SSBP4: variants seen among roughly 807,000 people sequenced by gnomAD.
SSBP4 encodes the protein single stranded DNA binding protein 4.
A neutral mutation model predicts 64.6 loss-of-function variants in SSBP4; 33 were observed. That is an observed-to-expected ratio of 0.51 (90% CI 0.39 to 0.68). The LOEUF is 0.68. Among genes scored for constraint, SSBP4 ranks in the 30% least tolerant of loss-of-function variants. The pLI is 0.00. For missense variants in SSBP4, 583 were observed against 566.8 expected (o/e 1.03, Z -0.29); for synonymous variants, 243 against 224.0 (o/e 1.08, Z -0.76).
Position 18,423,676 on chromosome 19 carries a change from C to G in SSBP4, c.60-3675C>G, listed in dbSNP as rs959922520. Among the ~76,000 whole-genome samples the G allele has an allele frequency of 6.6e-6, 1 of 152,206 alleles. No individual in the cohort carries two copies. The highest frequency in any genetic ancestry group is 1.5e-5 in the Non-Finnish European group (1 of 68,034). On this transcript the variant is annotated intron_variant, in intron 1 of 17. Coordinates refer to ENST00000270061, the MANE Select transcript of SSBP4 (RefSeq NM_032627.5). The surrounding 1 kb of genome is among the most constrained non-coding windows in gnomAD (Gnocchi z 4.0). ...ACCAGGCGCTAGCACCCCATCCTGG[C>G]TCTGCTTCCCTGCACAGCCTCATGC...
rs1458046761 is a variant in SSBP4 at position 18,434,321 on chromosome 19, G to A, written c.*75G>A. On this transcript the variant is annotated 3_prime_UTR_variant, in exon 18 of 18. Coordinates refer to ENST00000270061, the MANE Select transcript of SSBP4 (RefSeq NM_032627.5). ...CCCCTGCTCAGGGCGAGGGGCTGAGGTCACACCTCGGGCACCTGGACTCCT... is the reference window on the plus strand; with the variant it reads ...CCCCTGCTCAGGGCGAGGGGCTGAGATCACACCTCGGGCACCTGGACTCCT... 6.4e-7 allele frequency: 1 copy of A among 1,572,120 alleles called. No homozygotes were observed. Among genetic ancestry groups the A allele is most frequent in the South Asian group, 1.1e-5 (1 of 87,496 alleles).
chr19:18,404,985 G>GC, the SSBP4 span, among the ~76,000 whole-genome samples: 593 of 134,444 alleles, frequency 4.4e-3, 2 homozygotes, highest in East Asian at 0.012. Context: ...AAGCCCAGAG[G>GC]CCCCCCCCCC....
At chr19:18,433,881 C>A in intron 17 of SSBP4, 64 bp downstream of exon 17, 1 of 1,292,132 alleles carries the variant, frequency 7.7e-7, no homozygotes, top group Non-Finnish European at 9.7e-7. Flanking sequence ...GCGGGCAGGC[C>A]CCGGCGGGGC....
At chr19:18,412,179 AG>A in the SSBP4 span, among the ~76,000 whole-genome samples, 2 of 151,384 alleles carry the variant, frequency 1.3e-5, no homozygotes, top group African/African-American at 4.9e-5. Context: ...AAGGAGGATG[AG>A]GGCCAGGTGC....
the SSBP4 span, among the ~76,000 whole-genome samples, chr19:18,413,572 A>T: frequency 6.6e-6 from 1 of 152,188 alleles, no homozygotes; most frequent in East Asian, 1.9e-4. Context: ...CAGACCCAAG[A>T]TGGCACACTG....
the SSBP4 span, among the ~76,000 whole-genome samples, chr19:18,409,592 G>T: frequency 6.6e-6 from 1 of 151,958 alleles, no homozygotes; most frequent in Non-Finnish European, 1.5e-5. Flanking sequence ...GAGTAGGATG[G>T]TTCAAAGATT....
chr19:18,411,995 A>C, the SSBP4 span, among the ~76,000 whole-genome samples: 46,732 of 150,428 alleles, frequency 0.31, 9,012 homozygotes, highest in African/African-American at 0.55. Flanking sequence ...CAGACCCCCC[A>C]CACACACACA....
Position 18,419,684 on chromosome 19 carries a change from C to T in SSBP4, c.36C>T (p.Pro12=), listed in dbSNP as rs28485917. The T allele has an allele frequency of 4.3e-3, 5,104 of 1,194,324 alleles. 162 individuals carry two copies. The African/African-American group carries it at 0.064, about 15-fold the overall frequency. 74.0% of individuals were successfully genotyped at this position (1,194,324 alleles called of 1,614,324 possible). A position where few individuals can be genotyped will look rare whatever the true frequency, so the allele number is the denominator to read the frequency against. The change falls in exon 1 of 18, where the codon CCC becomes CCT. Residue 12 remains proline, a synonymous_variant. Coordinates refer to ENST00000270061, the MANE Select transcript of SSBP4 (RefSeq NM_032627.5). ...AGGGGGGCAAGGGTTCGGCCGTGCC[C>T]TCCGACAGCCAGGCCCGCGAGAAGT... ...YAKGGKGSAV[P]SDSQAREKLA...
the SSBP4 span, among the ~76,000 whole-genome samples, chr19:18,410,591 C>T: frequency 6.6e-6 from 1 of 151,968 alleles, no homozygotes; most frequent in Admixed American, 6.6e-5. Flanking sequence ...TCCTCCTTGC[C>T]ATGAAATAAT....
chr19:18,429,548 C>T (rs968679741), intron 4 of SSBP4, among the ~76,000 whole-genome samples: 1 of 151,964 alleles, frequency 6.6e-6, no homozygotes, highest in Non-Finnish European at 1.5e-5. Context: ...GATTGCCCTC[C>T]CTGCGGGGTG....
At position 18,419,665 on chromosome 19, in the gene SSBP4, G is replaced by C. The variant is rs1160424910; in HGVS notation, c.17G>C (p.Gly6Ala). 2.2e-5 allele frequency: 27 copies of C among 1,238,934 alleles called. No individual in the cohort carries two copies. The East Asian group carries it at 9.4e-4, about 43-fold the overall frequency. The allele number at this position is 1,238,934 out of a possible 1,614,324, so 76.7% of individuals were successfully genotyped here. A position where few individuals can be genotyped will look rare whatever the true frequency, so the allele number is the denominator to read the frequency against. The change falls in exon 1 of 18, where the codon GGC (glycine) becomes GCC (alanine). Residue 6 changes from glycine to alanine, a missense_variant. By Grantham distance (60) the Gly-to-Ala change is moderately conservative (BLOSUM62 0). Around this residue, in one of 5 missense-constraint regions of SSBP4, gnomAD observed 39 missense variants for 25.7 expected, o/e 1.52. Coordinates refer to ENST00000270061, the MANE Select transcript of SSBP4 (RefSeq NM_032627.5). MYAKG[G>A]KGSAVPSDSQ... ...TGGAGCAGCATGTACGCCAAGGGGG[G>C]CAAGGGTTCGGCCGTGCCCTCCGAC...
At chr19:18,432,351 A>G in intron 10 of SSBP4, 137 bp downstream of exon 10, 1 of 1,340,810 alleles carries the variant, frequency 7.5e-7, no homozygotes, top group Non-Finnish European at 1.0e-6. Context: ...TTGAGGGGAA[A>G]CTGAGACTTG....
chr19:18,420,547 G>C lies in SSBP4; in HGVS notation c.59+840G>C, dbSNP rs371064790. Among the ~76,000 whole-genome samples, 12 of 152,170 alleles carry C rather than the reference G, an allele frequency of 7.9e-5. No homozygotes were observed. The East Asian group carries it at 2.1e-3, about 27-fold the overall frequency. On this transcript the variant is annotated intron_variant, in intron 1 of 17. Coordinates refer to ENST00000270061, the MANE Select transcript of SSBP4 (RefSeq NM_032627.5). Reference sequence around the variant, plus strand: ...GACCGTCCCGCAGGAAGGGCACGGGGCAGTTTGCAGTGTTGTTAAAAGTGC... The same window carrying C: ...GACCGTCCCGCAGGAAGGGCACGGGCCAGTTTGCAGTGTTGTTAAAAGTGC...
intron 4 of SSBP4, among the ~76,000 whole-genome samples, chr19:18,429,374 G>A (rs1378629855): frequency 2.6e-5 from 4 of 152,024 alleles, no homozygotes; most frequent in African/African-American, 4.8e-5. Flanking sequence ...GATGATTGAC[G>A]TAGGGGGTCT....
In SSBP4 at chr19:18,434,252, C is replaced by T. The variant is rs1973822805; in HGVS notation, c.*6C>T. On this transcript the variant is annotated 3_prime_UTR_variant, in exon 18 of 18. Coordinates refer to ENST00000270061, the MANE Select transcript of SSBP4 (RefSeq NM_032627.5). The stretch of plus-strand genomic sequence containing the variant: ...GGATGACCATGAGCGTGTGATGGGG[C>T]GGCAGCCCCGGGCCTCTCTGCGGGC... 2.5e-6 allele frequency: 4 copies of T among 1,611,104 alleles called. No individual in the cohort carries two copies. The highest frequency in any genetic ancestry group is 2.2e-5 in the East Asian group (1 of 44,722).
Position 18,431,355 on chromosome 19 carries a change from C to T in SSBP4, c.372C>T (p.Gly124=), listed in dbSNP as rs1371466760. 3 of 636,912 alleles carry T rather than the reference C, an allele frequency of 4.7e-6. No homozygotes were observed. The highest frequency in any genetic ancestry group is 1.7e-5 in the South Asian group (1 of 57,598). The allele number at this position is 636,912 out of a possible 1,614,324, so 39.5% of individuals were successfully genotyped here. A position where few individuals can be genotyped will look rare whatever the true frequency, so the allele number is the denominator to read the frequency against. Residue 124 remains glycine (G), a splice_region_variant and synonymous_variant, in exon 6 of 18, where the codon GGC becomes GGT. Transcript: ENST00000270061. ...AGSMAAGFFQ[G]PPGSQPSPHN... ...CCCACCTGGTTCTGTCCTCCTAGGG[C>T]CCCCCCGGCTCCCAGCCGTCCCCCC...
the SSBP4 span, among the ~76,000 whole-genome samples, chr19:18,404,380 G>A: frequency 6.6e-6 from 1 of 151,332 alleles, no homozygotes. Context: ...GATCACCTGA[G>A]GTCAGGAGTT....
At chr19:18,413,626 G>A in the SSBP4 span, among the ~76,000 whole-genome samples, 1 of 152,216 alleles carries the variant, frequency 6.6e-6, no homozygotes, top group East Asian at 1.9e-4. Context: ...AGCTGGGGAA[G>A]GGCCCTGCAG....
At chr19:18,411,145 G>A in the SSBP4 span, among the ~76,000 whole-genome samples, 5 of 151,998 alleles carry the variant, frequency 3.3e-5, no homozygotes, top group South Asian at 4.1e-4. Flanking sequence ...CCTCCTGCCC[G>A]CATGGAGCTC....
Sources: gnomAD v4.1 joint callset for allele counts (sites outside exome capture counted in the v4.1 genomes callset) on GRCh38, gnomAD v4.1.1 for gene constraint, gnomAD v4.1.1 regional missense constraint, Gnocchi (gnomAD v3.1) non-coding constraint, MANE v1.5 for transcripts, NCBI Gene and HGNC (gene_info 2026-07-23, HGNC 2026-07-21) for gene names.